C1QTNF3: variants seen among roughly 807,000 people sequenced by gnomAD.
The protein encoded by C1QTNF3 is C1q and TNF related 3.
C1QTNF3 carries 26 observed loss-of-function variants against 32.6 expected under a neutral mutation model. The observed-to-expected ratio is 0.80, with a 90% CI of 0.58 to 1.11. The LOEUF (loss-of-function observed/expected upper bound fraction) is 1.11. Ranked by LOEUF, C1QTNF3 falls within the 50% of genes least tolerant of loss-of-function variation. The pLI, the probability that C1QTNF3 is intolerant of heterozygous loss-of-function variation, is 0.00. For missense variants in C1QTNF3, 362 were observed against 398.2 expected (o/e 0.91, Z 0.77); for synonymous variants, 155 against 146.0 (o/e 1.06, Z -0.44).
rs61093907 is a variant in C1QTNF3 at position 34,024,034 on chromosome 5, G to A, written c.701-26C>T. 12,422 of 1,579,354 alleles carry A rather than the reference G, an allele frequency of 7.9e-3. 818 individuals carry two copies. The African/African-American group carries it at 0.15, about 19-fold the overall frequency. ...CTGAAAAAAGCAGGTATATATCCAT[G>A]TTGATATTAACATGTTATACATTGA... On this transcript the variant is annotated intron_variant, in intron 4 of 5. Coordinates refer to ENST00000382065, the MANE Select transcript of C1QTNF3 (RefSeq NM_181435.6).
the C1QTNF3 span, among the ~76,000 whole-genome samples, chr5:34,222,907 A>T: frequency 6.6e-6 from 1 of 151,946 alleles, no homozygotes; most frequent in Non-Finnish European, 1.5e-5. Context: ...AAATATTATA[A>T]TACTAATGAG....
chr5:34,231,617 T>C, the C1QTNF3 span, among the ~76,000 whole-genome samples: 1 of 152,188 alleles, frequency 6.6e-6, no homozygotes, highest in African/African-American at 2.4e-5. Context: ...AGGCCATTGC[T>C]TCAGAGAATA....
chr5:34,196,997 C>G, the C1QTNF3 span, among the ~76,000 whole-genome samples: 1 of 152,306 alleles, frequency 6.6e-6, no homozygotes, highest in South Asian at 2.1e-4. Flanking sequence ...CCACATGTGG[C>G]TAGTGGCTAA....
chr5:34,084,800 GTTTTTTTTGTTTTTTTT>G, the C1QTNF3 span, among the ~76,000 whole-genome samples: 1 of 25,340 alleles, frequency 3.9e-5, no homozygotes, highest in African/African-American at 1.8e-4. Flanking sequence ...TTTTTTTTTT[GTTTTTTTTGTTTTTTTT>G]CTGTGCAGAA....
At chr5:34,132,060 T>G in the C1QTNF3 span, among the ~76,000 whole-genome samples, 3 of 152,160 alleles carry the variant, frequency 2.0e-5, no homozygotes, top group African/African-American at 7.2e-5. Flanking sequence ...ATGACTCGTG[T>G]GATAACTTGA....
At chr5:34,097,118 T>C in the C1QTNF3 span, among the ~76,000 whole-genome samples, 2 of 152,004 alleles carry the variant, frequency 1.3e-5, no homozygotes, top group Non-Finnish European at 2.9e-5. Flanking sequence ...CTCCCAAAAA[T>C]GTTTTCAATA....
chr5:34,222,287 C>T, the C1QTNF3 span, among the ~76,000 whole-genome samples: 1 of 151,846 alleles, frequency 6.6e-6, no homozygotes, highest in South Asian at 2.1e-4. Flanking sequence ...TGTGTTTTCT[C>T]CTATGATTAC....
At chr5:34,177,767 G>A in the C1QTNF3 span, among the ~76,000 whole-genome samples, 1 of 151,670 alleles carries the variant, frequency 6.6e-6, no homozygotes, top group African/African-American at 2.4e-5. Flanking sequence ...GATTACAGGC[G>A]TCAGCCACTG....
chr5:34,124,366 G>C, the C1QTNF3 span: 4 of 705,078 alleles, frequency 5.7e-6, no homozygotes, highest in South Asian at 4.6e-5. Context: ...TATAAGAAGA[G>C]ATATTTAATT....
the C1QTNF3 span, among the ~76,000 whole-genome samples, chr5:34,107,861 A>G: frequency 6.6e-6 from 1 of 152,046 alleles, no homozygotes; most frequent in Non-Finnish European, 1.5e-5. Flanking sequence ...CCAGCACAAA[A>G]TACTCAAGAC....
At chr5:34,110,580 A>G in the C1QTNF3 span, among the ~76,000 whole-genome samples, 1 of 151,988 alleles carries the variant, frequency 6.6e-6, no homozygotes, top group Non-Finnish European at 1.5e-5. Context: ...GTCTCATTTG[A>G]GAAAAAAAAG....
chr5:34,089,679 A>G, the C1QTNF3 span, among the ~76,000 whole-genome samples: 2 of 152,254 alleles, frequency 1.3e-5, no homozygotes, highest in African/African-American at 4.8e-5. Context: ...ACAGACTTAC[A>G]TAAAATAATA....
At chr5:34,228,214 T>C in the C1QTNF3 span, among the ~76,000 whole-genome samples, 1 of 152,012 alleles carries the variant, frequency 6.6e-6, no homozygotes, top group Admixed American at 6.6e-5. Flanking sequence ...CTTCTTTCTG[T>C]GGTTCATAAG....
the C1QTNF3 span, among the ~76,000 whole-genome samples, chr5:34,140,715 C>T: frequency 1.5e-3 from 233 of 152,332 alleles, no homozygotes; most frequent in African/African-American, 5.4e-3. Flanking sequence ...ATTTCTCACC[C>T]GCAGGGTATC....
chr5:34,126,122 A>T, the C1QTNF3 span, among the ~76,000 whole-genome samples: 2 of 152,270 alleles, frequency 1.3e-5, no homozygotes, highest in Non-Finnish European at 1.5e-5. Flanking sequence ...TCAGACAGAA[A>T]GTAAATGTTT....
At chr5:34,073,955 C>G in the C1QTNF3 span, among the ~76,000 whole-genome samples, 11 of 152,168 alleles carry the variant, frequency 7.2e-5, no homozygotes, top group African/African-American at 2.4e-4. Flanking sequence ...CCTTATTTAT[C>G]TCATTCAATC....
chr5:34,208,895 T>C, the C1QTNF3 span, among the ~76,000 whole-genome samples: 1 of 152,166 alleles, frequency 6.6e-6, no homozygotes, highest in African/African-American at 2.4e-5. Context: ...AAAGTTTTTG[T>C]TTTATTTTCA....
the C1QTNF3 span, among the ~76,000 whole-genome samples, chr5:34,237,493 T>A: frequency 2.6e-5 from 4 of 152,350 alleles, no homozygotes; most frequent in South Asian, 8.3e-4. Context: ...TCACACTGCA[T>A]AAGATTTTAC....
chr5:34,048,526 G>A, the C1QTNF3 span, among the ~76,000 whole-genome samples: 2 of 152,122 alleles, frequency 1.3e-5, no homozygotes, highest in African/African-American at 4.8e-5. Flanking sequence ...CTGGAAGAAG[G>A]GACCCTGCAG....
Sources: gnomAD v4.1 joint callset for allele counts (sites outside exome capture counted in the v4.1 genomes callset) on GRCh38, gnomAD v4.1.1 for gene constraint, MANE v1.5 for transcripts, NCBI Gene and HGNC (gene_info 2026-07-23, HGNC 2026-07-21) for gene names.